CFTR: variants seen among roughly 807,000 people sequenced by gnomAD.
The protein encoded by CFTR is cystic fibrosis transmembrane conductance regulator.
In CFTR, 181 loss-of-function variants were observed where a neutral mutation model predicts 171.6. The observed-to-expected ratio is 1.05, with a 90% CI of 0.93 to 1.19. The LOEUF (loss-of-function observed/expected upper bound fraction) is 1.19. Among genes scored for constraint, CFTR ranks in the 50% most tolerant of loss-of-function variants. The probability of loss-of-function intolerance (pLI) is 0.00; values close to 1 mark genes in which losing one functional copy is unlikely to be tolerated. For missense variants in CFTR, 1,968 were observed against 1,734.7 expected (o/e 1.13, Z -2.39); for synonymous variants, 583 against 608.0 (o/e 0.96, Z 0.60).
intron 8 of CFTR, among the ~76,000 whole-genome samples, chr7:117,541,414 C>T (rs923836063): frequency 2.6e-5 from 4 of 152,056 alleles, no homozygotes; most frequent in African/African-American, 7.2e-5. Flanking sequence ...AAGGCAAGGA[C>T]CAGGCTTTTT....
Position 117,487,073 on chromosome 7 carries a change from C to T in CFTR, c.53+6926C>T, listed in dbSNP as rs190345540. Among the ~76,000 whole-genome samples, 596 of 152,094 alleles carry T rather than the reference C, an allele frequency of 3.9e-3. 6 individuals carry two copies. The highest frequency in any genetic ancestry group is 0.012 in the African/African-American group (507 of 41,482). The stretch of plus-strand genomic sequence containing the variant: ...TGCTTATTGAATGAGAAAATTTAAT[C>T]GGAGAAGAAGGCATGGAGCAGGAGT... On this transcript the variant is annotated intron_variant, in intron 1 of 26. Coordinates refer to ENST00000003084, the MANE Select transcript of CFTR (RefSeq NM_000492.4).
intron 11 of CFTR, among the ~76,000 whole-genome samples, chr7:117,574,311 T>C (rs1228922204): frequency 2.0e-5 from 3 of 152,060 alleles, no homozygotes; most frequent in East Asian, 1.9e-4. Context: ...GTATTATTAA[T>C]GTATTTTGTT....
intron 18 of CFTR, among the ~76,000 whole-genome samples, chr7:117,607,308 G>A (rs1233347379): frequency 1.3e-5 from 2 of 152,296 alleles, no homozygotes; most frequent in Non-Finnish European, 2.9e-5. Flanking sequence ...CTGTCCCTGA[G>A]TGATAGATGT....
Position 117,542,127 on chromosome 7 carries a change from T to A in CFTR, c.1209+19T>A. On this transcript the variant is annotated intron_variant, in intron 9 of 26. Coordinates refer to ENST00000003084, the MANE Select transcript of CFTR (RefSeq NM_000492.4). Reference sequence around the variant, plus strand: ...GGAGGAGGTCAGAATTTTTAAAAAATTGTTTGCTCTAAACACCTAACTGTT... The same window carrying A: ...GGAGGAGGTCAGAATTTTTAAAAAAATGTTTGCTCTAAACACCTAACTGTT... The A allele has an allele frequency of 8.0e-7, 1 of 1,256,894 alleles. No homozygotes were observed. 77.9% of individuals were successfully genotyped at this position (1,256,894 alleles called of 1,614,324 possible).
In CFTR at chr7:117,559,507, A is replaced by C. The variant is rs886043543; in HGVS notation, c.1436A>C (p.Glu479Ala). The C allele has an allele frequency of 6.2e-7, 1 of 1,611,846 alleles. No homozygotes were observed. The highest frequency in any genetic ancestry group is 8.5e-7 in the Non-Finnish European group (1 of 1,178,102). ...ATTATGGGAGAACTGGAGCCTTCAG[A>C]GGGTAAAATTAAGCACAGTGGAAGA... ...MVIMGELEPS[E>A]GKIKHSGRIS... The change falls in exon 11 of 27, where the codon GAG becomes GCG. Residue 479 changes from glutamate to alanine, a missense_variant. Physicochemically the swap from Glu to Ala is moderately radical, Grantham distance 107. Coordinates refer to ENST00000003084, the MANE Select transcript of CFTR (RefSeq NM_000492.4).
intron 18 of CFTR, 46 bp from the exon 19 acceptor site, chr7:117,610,473 A>G: frequency 6.5e-7 from 1 of 1,546,928 alleles, no homozygotes; most frequent in Non-Finnish European, 8.9e-7. Flanking sequence ...TCCACTTTGC[A>G]ATGTGAAAAT....
At chr7:117,518,794 G>C (rs1798640714) in intron 3 of CFTR, among the ~76,000 whole-genome samples, 1 of 151,784 alleles carries the variant, frequency 6.6e-6, no homozygotes, top group South Asian at 2.1e-4. Flanking sequence ...TTTACATTTA[G>C]TTATTTCTGT....
At chr7:117,572,599 C>G (rs772654562) in intron 11 of CFTR, among the ~76,000 whole-genome samples, 9 of 152,152 alleles carry the variant, frequency 5.9e-5, no homozygotes, top group Non-Finnish European at 1.0e-4. Context: ...TTCTCTCTCT[C>G]TTTATAATAC....
At position 117,480,223 on chromosome 7, in the gene CFTR, G is replaced by T. The variant is rs547598177; in HGVS notation, c.53+76G>T. 14 of 1,363,924 alleles carry T rather than the reference G, an allele frequency of 1.0e-5. 1 individual carries two copies. Among genetic ancestry groups the T allele is most frequent in the Middle Eastern group, 1.8e-4 (1 of 5,604 alleles). 84.5% of individuals were successfully genotyped at this position (1,363,924 alleles called of 1,614,324 possible). A position where few individuals can be genotyped will look rare whatever the true frequency, so the allele number is the denominator to read the frequency against. ...GAGGGCGTGTGTATGGGTTGGGTTT[G>T]GGGTAAAGGAATAAGCAGTTTTTAA... is the stretch of plus-strand genomic sequence containing the variant. On this transcript the variant is annotated intron_variant, in intron 1 of 26. Coordinates refer to ENST00000003084, the MANE Select transcript of CFTR (RefSeq NM_000492.4).
chr7:117,662,035 T>C (rs1159368664), intron 24 of CFTR, among the ~76,000 whole-genome samples: 1 of 149,338 alleles, frequency 6.7e-6, no homozygotes, highest in Non-Finnish European at 1.5e-5. Flanking sequence ...TGATCTAAAG[T>C]ACTAACATTT....
At position 117,550,412 on chromosome 7, in the gene CFTR, C is replaced by T. The variant is rs1584794466; in HGVS notation, c.1392+1589C>T. Among the ~76,000 whole-genome samples, 8 of 151,994 alleles carry T rather than the reference C, an allele frequency of 5.3e-5. No homozygotes were observed. The South Asian group carries it at 1.7e-3, about 32-fold the overall frequency. Reference sequence around the variant, plus strand: ...TCCAGTTGTTTTCCTACATACGAAACAGCTTTTAAAACAAAATAGCTGGAA... The same window carrying T: ...TCCAGTTGTTTTCCTACATACGAAATAGCTTTTAAAACAAAATAGCTGGAA... On this transcript the variant is annotated intron_variant, in intron 10 of 26. Coordinates refer to ENST00000003084, the MANE Select transcript of CFTR (RefSeq NM_000492.4).
intron 14 of CFTR, among the ~76,000 whole-genome samples, chr7:117,593,196 G>T (rs1792063811): frequency 2.0e-5 from 3 of 152,094 alleles, no homozygotes; most frequent in African/African-American, 4.8e-5. Flanking sequence ...TTTCTGAAAA[G>T]ATTTCTTTTA....
intron 24 of CFTR, among the ~76,000 whole-genome samples, chr7:117,664,128 C>T (rs1460702554): frequency 6.6e-6 from 1 of 152,112 alleles, no homozygotes; most frequent in Non-Finnish European, 1.5e-5. Flanking sequence ...TAGCAATTTT[C>T]CATATGTAAT....
rs575601663 is a variant in CFTR, at chr7:117,642,662, A to C, written c.3873+69A>C. Reference sequence around the variant, plus strand: ...TTTTTTACTGCTATTTGATACTTGTACTCAAGAAATTCATATTACTCTGCA... The same window carrying C: ...TTTTTTACTGCTATTTGATACTTGTCCTCAAGAAATTCATATTACTCTGCA... On this transcript the variant is annotated intron_variant, in intron 23 of 26. Coordinates refer to ENST00000003084, the MANE Select transcript of CFTR (RefSeq NM_000492.4). The C allele has an allele frequency of 1.7e-4, 252 of 1,505,692 alleles. 1 individual carries two copies. The highest frequency in any genetic ancestry group is 1.0e-3 in the Middle Eastern group (6 of 5,860). The allele number at this position is 1,505,692 out of a possible 1,614,324, so 93.3% of individuals were successfully genotyped here.
intron 7 of CFTR, among the ~76,000 whole-genome samples, chr7:117,538,073 C>T (rs1380576670): frequency 6.6e-6 from 1 of 152,136 alleles, no homozygotes. Context: ...TGGAATTTCT[C>T]TTTGATATAT....
rs397508227 is a variant in CFTR, at chr7:117,559,644, C to T, written c.1573C>T (p.Gln525Ter). The change falls in exon 11 of 27, where the codon CAA becomes TAA. Residue 525 changes from glutamine (Q) to a stop codon, truncating the protein, a stop_gained. Transcript: ENST00000003084. LOFTEE classifies it high-confidence loss of function. ...ATACAGAAGCGTCATCAAAGCATGC[C>T]AACTAGAAGAGGTAAGAAACTATGT... is the stretch of plus-strand genomic sequence containing the variant. Reference protein sequence around the residue: ...YRYRSVIKACQLEEDISKFAE... With the variant: ...YRYRSVIKAC 1.2e-6 allele frequency: 2 copies of T among 1,611,738 alleles called. No homozygotes were observed. Among genetic ancestry groups the T allele is most frequent in the Non-Finnish European group, 8.5e-7 (1 of 1,178,350 alleles).
At chr7:117,533,048 C>A (rs1395731663) in intron 4 of CFTR, among the ~76,000 whole-genome samples, 1 of 152,138 alleles carries the variant, frequency 6.6e-6, no homozygotes, top group African/African-American at 2.4e-5. Context: ...TAAATACAAA[C>A]AAACTTGAGC....
chr7:117,633,558 A>G (rs559889488), intron 22 of CFTR, among the ~76,000 whole-genome samples: 1 of 152,026 alleles, frequency 6.6e-6, no homozygotes, highest in South Asian at 2.1e-4. Flanking sequence ...GAGAGGGGAT[A>G]TCTTGGTCTT....
intron 21 of CFTR, among the ~76,000 whole-genome samples, chr7:117,625,711 A>T (rs1180998226): frequency 6.6e-6 from 1 of 152,192 alleles, no homozygotes; most frequent in African/African-American, 2.4e-5. Context: ...CAAGAGAGGG[A>T]TACTATTCTT....
Sources: gnomAD v4.1 joint callset for allele counts (sites outside exome capture counted in the v4.1 genomes callset) on GRCh38, gnomAD v4.1.1 for gene constraint, MANE v1.5 for transcripts, NCBI Gene and HGNC (gene_info 2026-07-23, HGNC 2026-07-21) for gene names.